The following ARID1A variants were observed in gnomAD, a reference collection of about 807,000 sequenced individuals.
ARID1A encodes the protein AT-rich interactive domain-containing protein 1A.
ARID1A carries 20 observed loss-of-function variants against 212.6 expected under a neutral mutation model. The observed-to-expected ratio is 0.09, with a 90% CI of 0.07 to 0.14. The LOEUF (loss-of-function observed/expected upper bound fraction) is 0.14, where lower values mean the gene tolerates loss of function less well. Among genes scored for constraint, ARID1A ranks in the 10% least tolerant of loss-of-function variants. ARID1A has a pLI of 1.00. For missense variants in ARID1A, 2,587 were observed against 3,059.0 expected (o/e 0.85, Z 3.64); for synonymous variants, 1,376 against 1,222.1 (o/e 1.13, Z -2.63).
At chr1:26,703,559 G>A (rs1403889077) in intron 1 of ARID1A, among the ~76,000 whole-genome samples, 1 of 152,088 alleles carries the variant, frequency 6.6e-6, no homozygotes, top group Non-Finnish European at 1.5e-5. Context: ...TGATTTTTAG[G>A]TTCAGCTAAC....
chr1:26,717,052 C>T (rs1318993892), intron 1 of ARID1A, among the ~76,000 whole-genome samples: 6 of 152,150 alleles, frequency 3.9e-5, no homozygotes, highest in Non-Finnish European at 7.4e-5. Flanking sequence ...ACATTTATTT[C>T]CAAACACTTC....
rs1463501284 is a variant in ARID1A at position 26,774,566 on chromosome 1, C to G, written c.4339C>G (p.Pro1447Ala). Residue 1447 changes from proline (P) to alanine (A), a missense_variant, in exon 18 of 20, where the codon CCA (proline) becomes GCA (alanine). Pro to Ala is a conservative substitution (Grantham distance 27). Around this residue, in one of 11 missense-constraint regions of ARID1A, gnomAD observed 890 missense variants for 1,098.2 expected, o/e 0.81. Coordinates refer to ENST00000324856, the MANE Select transcript of ARID1A (RefSeq NM_006015.6). The surrounding 1 kb of genome is among the most constrained non-coding windows in gnomAD (Gnocchi z 5.6). ...TGCCACAGCTGCTACTGAGCGCCGA[C>G]CAGCAGGCGGCCCCCAGAACCAATT... is the stretch of plus-strand genomic sequence containing the variant. The part of the protein sequence containing the change: ...ATATAATERR[P>A]AGGPQNQFPF... 5 of 1,614,092 alleles carry G rather than the reference C, an allele frequency of 3.1e-6. No individual in the cohort carries two copies. Among genetic ancestry groups the G allele is most frequent in the African/African-American group, 1.3e-5 (1 of 74,948 alleles).
intron 4 of ARID1A, among the ~76,000 whole-genome samples, chr1:26,736,787 A>G (rs1041038981): frequency 1.3e-5 from 2 of 151,558 alleles, no homozygotes; most frequent in Non-Finnish European, 2.9e-5. Context: ...CTGTAATCCC[A>G]TCTACTCGGG....
chr1:26,704,259 G>T (rs1274825367), intron 1 of ARID1A, among the ~76,000 whole-genome samples: 1 of 152,158 alleles, frequency 6.6e-6, no homozygotes, highest in African/African-American at 2.4e-5. Flanking sequence ...GGCTAGTTCA[G>T]GGGCACTTTT....
At chr1:26,756,578 A>T (rs1265852954) in intron 4 of ARID1A, among the ~76,000 whole-genome samples, 1 of 150,718 alleles carries the variant, frequency 6.6e-6, no homozygotes, top group Non-Finnish European at 1.5e-5. Context: ...AAAAAAAAAA[A>T]CAAAAAAACA....
chr1:26,743,124 A>G (rs1243383817), intron 4 of ARID1A, among the ~76,000 whole-genome samples: 1 of 152,124 alleles, frequency 6.6e-6, no homozygotes, highest in Non-Finnish European at 1.5e-5. Flanking sequence ...TGCCTTACCC[A>G]GTTCAGAACC....
Position 26,780,868 on chromosome 1 carries a change from G to C in ARID1A, c.*112G>C. ...CACCTCAGAATCCAGTTTACCCTGT[G>C]CTGTCCAGCTTCTCCCTTGGGAAAA... On this transcript the variant is annotated 3_prime_UTR_variant, in exon 20 of 20. Transcript: ENST00000324856. This position sits in a 1 kb window ranked among gnomAD's most constrained non-coding sequence, Gnocchi z 7.2. The C allele has an allele frequency of 7.1e-7, 1 of 1,411,274 alleles. No individual in the cohort carries two copies. The highest frequency in any genetic ancestry group is 9.5e-7 in the Non-Finnish European group (1 of 1,055,466). 87.4% of individuals were successfully genotyped at this position (1,411,274 alleles called of 1,614,324 possible).
Position 26,696,324 on chromosome 1 carries a change from C to T in ARID1A, c.-80C>T. 3 of 1,127,504 alleles carry T rather than the reference C, an allele frequency of 2.7e-6. No homozygotes were observed. Among genetic ancestry groups the T allele is most frequent in the Non-Finnish European group, 3.2e-6 (3 of 927,506 alleles). 69.8% of individuals were successfully genotyped at this position (1,127,504 alleles called of 1,614,324 possible). Reference sequence around the variant, plus strand: ...CGGGTGGGGAGGGCAGCCCGGGGGACTGGGCCCCGGGGCGGGGTGGGAGGG... The same window carrying T: ...CGGGTGGGGAGGGCAGCCCGGGGGATTGGGCCCCGGGGCGGGGTGGGAGGG... On this transcript the variant is annotated 5_prime_UTR_variant, in exon 1 of 20. Coordinates refer to ENST00000324856, the MANE Select transcript of ARID1A (RefSeq NM_006015.6).
chr1:26,726,611 G>A (rs773037125), intron 1 of ARID1A, among the ~76,000 whole-genome samples: 12 of 152,124 alleles, frequency 7.9e-5, no homozygotes, highest in Non-Finnish European at 1.3e-4. Context: ...TATGACCCTG[G>A]CTTTATGGCT....
At chr1:26,738,360 C>T (rs1382288295) in intron 4 of ARID1A, among the ~76,000 whole-genome samples, 1 of 152,078 alleles carries the variant, frequency 6.6e-6, no homozygotes, top group Non-Finnish European at 1.5e-5. Context: ...CTTGTTAGTA[C>T]TTATCTCAAG....
At chr1:26,778,478 T>C (rs1470672577) in intron 19 of ARID1A, 1 of 152,400 alleles carries the variant, frequency 6.6e-6, no homozygotes, top group Non-Finnish European at 1.5e-5. Flanking sequence ...GACCAGTGTT[T>C]GGAGAGCTGA....
rs1263340752 is a variant in ARID1A, at chr1:26,781,731, C to T, written c.*975C>T. ...TTGGTGACCTGCACAAAGCGAGACA[C>T]AGCTATTTAATCTCTTGCCAGATAT... is the stretch of plus-strand genomic sequence containing the variant. On this transcript the variant is annotated 3_prime_UTR_variant, in exon 20 of 20. Coordinates refer to ENST00000324856, the MANE Select transcript of ARID1A (RefSeq NM_006015.6). 4.3e-6 allele frequency: 1 copy of T among 233,646 alleles called. No homozygotes were observed. Among genetic ancestry groups the T allele is most frequent in the African/African-American group, 2.2e-5 (1 of 45,358 alleles). The allele number at this position is 233,646 out of a possible 1,614,324, so 14.5% of individuals were successfully genotyped here.
chr1:26,731,747 G>A (rs1430449781), intron 3 of ARID1A, 143 bp downstream of exon 3: 8 of 900,892 alleles, frequency 8.9e-6, no homozygotes, highest in Admixed American at 2.7e-5. Context: ...ATGATAACTG[G>A]ATTGATTGAA....
At chr1:26,735,133 T>G (rs1467484408) in intron 4 of ARID1A, among the ~76,000 whole-genome samples, 2 of 151,622 alleles carry the variant, frequency 1.3e-5, no homozygotes, top group African/African-American at 4.8e-5. Context: ...TTTTTTTTTT[T>G]TTGGGGGGAG....
rs372078591 is a variant in ARID1A, at chr1:26,731,565, G to A, written c.1764G>A (p.Gln588=). ...AYPQPQSQQS[Q]QTAYSQQRFP... ...CTCAGCCCCAGTCTCAGCAGTCCCA[G>A]CAAACTGCCTATTCCCAGCAGCGCT... is the stretch of plus-strand genomic sequence containing the variant. The change falls in exon 3 of 20, where the codon CAG becomes CAA. Residue 588 remains glutamine (Q), a synonymous_variant. Transcript: ENST00000324856. 2.4e-5 allele frequency: 38 copies of A among 1,614,106 alleles called. No individual in the cohort carries two copies. The Middle Eastern group carries it at 9.9e-4, about 42-fold the overall frequency.
intron 11 of ARID1A, among the ~76,000 whole-genome samples, chr1:26,768,545 G>C (rs1216796828): frequency 1.3e-5 from 2 of 152,204 alleles, no homozygotes; most frequent in Non-Finnish European, 2.9e-5. Context: ...CAGAGTAGAA[G>C]TAGATCTTCC....
chr1:26,779,794 C>T lies in ARID1A; in HGVS notation c.5896C>T (p.Pro1966Ser), dbSNP rs370333544. ...CGAACCCCACAGTAAGGATGAGACC[C>T]CACTGTGTACCCTTCTGGACTGGCA... ...EDEPHSKDET[P>S]LCTLLDWQDS... The change falls in exon 20 of 20, where the codon CCA becomes TCA. Residue 1966 changes from proline to serine, a missense_variant. Coordinates refer to ENST00000324856, the MANE Select transcript of ARID1A (RefSeq NM_006015.6). 6.2e-7 allele frequency: 1 copy of T among 1,614,000 alleles called. No individual in the cohort carries two copies. Among genetic ancestry groups the T allele is most frequent in the Non-Finnish European group, 8.5e-7 (1 of 1,180,036 alleles).
At chr1:26,777,173 T>A (rs2081144276) in intron 19 of ARID1A, among the ~76,000 whole-genome samples, 1 of 150,940 alleles carries the variant, frequency 6.6e-6, no homozygotes, top group Admixed American at 6.6e-5. Context: ...CAAGCGATCC[T>A]CTTGCCTCAG....
In ARID1A at chr1:26,731,231, A is replaced by G. The variant is rs757458581; in HGVS notation, c.1430A>G (p.His477Arg). Residue 477 changes from histidine (H) to arginine (R), a missense_variant, in exon 3 of 20, where the codon CAC (histidine) becomes CGC (arginine). Physicochemically the swap from His to Arg is conservative, Grantham distance 29. Coordinates refer to ENST00000324856, the MANE Select transcript of ARID1A (RefSeq NM_006015.6). ...CCATATTACAACCAGCAAAGTCCTC[A>G]CCCTCAGCAGCAGCAGCCACCCTAC... is the stretch of plus-strand genomic sequence containing the variant. ...QTPYYNQQSP[H>R]PQQQQPPYSQ... 3.7e-6 allele frequency: 6 copies of G among 1,613,718 alleles called. No homozygotes were observed. In the Admixed American group the frequency reaches 8.3e-5, roughly 22 times the overall value.
Sources: gnomAD v4.1 joint callset for allele counts (sites outside exome capture counted in the v4.1 genomes callset) on GRCh38, gnomAD v4.1.1 for gene constraint, gnomAD v4.1.1 regional missense constraint, Gnocchi (gnomAD v3.1) non-coding constraint, MANE v1.5 for transcripts, NCBI Gene and HGNC (gene_info 2026-07-23, HGNC 2026-07-21) for gene names.